The following GUCA1C variants were observed in gnomAD, a reference collection of about 807,000 sequenced individuals.
GUCA1C encodes guanylyl cyclase-activating protein 3.
In GUCA1C, 15 loss-of-function variants were observed where a neutral mutation model predicts 16.2. The observed-to-expected ratio is 0.93, with a 90% CI of 0.62 to 1.43. The LOEUF (loss-of-function observed/expected upper bound fraction) is 1.43. GUCA1C is among the 40% of genes most tolerant of loss of function. The pLI, the probability that GUCA1C is intolerant of heterozygous loss-of-function variation, is 0.00. For missense variants in GUCA1C, 275 were observed against 244.8 expected (o/e 1.12, Z -0.82); for synonymous variants, 78 against 85.4 (o/e 0.91, Z 0.48).
intron 1 of GUCA1C, among the ~76,000 whole-genome samples, chr3:108,940,192 G>A (rs1176059166): frequency 1.3e-5 from 2 of 152,182 alleles, no homozygotes; most frequent in Non-Finnish European, 2.9e-5. Context: ...GAACCCTTAA[G>A]AGATTGCAAC....
chr3:108,940,557 C>G (rs1255876437), intron 1 of GUCA1C, among the ~76,000 whole-genome samples: 5 of 152,198 alleles, frequency 3.3e-5, no homozygotes, highest in Non-Finnish European at 7.3e-5. Flanking sequence ...TGATTGGCAG[C>G]CATTGCAAGG....
intron 2 of GUCA1C, among the ~76,000 whole-genome samples, chr3:108,917,060 C>A (rs1946525530): frequency 6.6e-6 from 1 of 152,138 alleles, no homozygotes; most frequent in Non-Finnish European, 1.5e-5. Context: ...ATGATGGTAG[C>A]TTTTTATTAT....
chr3:108,907,902 C>T lies in GUCA1C; in HGVS notation c.*120G>A. The T allele has an allele frequency of 1.4e-6, 1 of 695,026 alleles. No homozygotes were observed. The highest frequency in any genetic ancestry group is 2.4e-6 in the Non-Finnish European group (1 of 413,260). 43.1% of individuals were successfully genotyped at this position (695,026 alleles called of 1,614,324 possible). A position where few individuals can be genotyped will look rare whatever the true frequency, so the allele number is the denominator to read the frequency against. On this transcript the variant is annotated 3_prime_UTR_variant, in exon 4 of 4. Coordinates refer to ENST00000261047, the MANE Select transcript of GUCA1C (RefSeq NM_005459.4). ...ACTGGATTAAAATAAGTGCTATATTCACAAGCCTATATGAATTATAACAAA... is the reference window on the plus strand; with the variant it reads ...ACTGGATTAAAATAAGTGCTATATTTACAAGCCTATATGAATTATAACAAA...
intron 1 of GUCA1C, among the ~76,000 whole-genome samples, chr3:108,922,196 CACACACATAT>C (rs1394433399): frequency 4.2e-5 from 2 of 47,916 alleles, no homozygotes; most frequent in African/African-American, 1.2e-4. Flanking sequence ...CACACACACA[CACACACATAT>C]ATATATGGAT....
intron 1 of GUCA1C, among the ~76,000 whole-genome samples, chr3:108,941,978 C>T (rs1452019463): frequency 1.3e-5 from 2 of 152,170 alleles, no homozygotes; most frequent in Non-Finnish European, 2.9e-5. Flanking sequence ...AATGCCATCT[C>T]CCTCTTCCCT....
At chr3:108,912,678 G>T (rs979185661) in intron 3 of GUCA1C, among the ~76,000 whole-genome samples, 4 of 138,738 alleles carry the variant, frequency 2.9e-5, no homozygotes, top group Admixed American at 7.5e-5. Flanking sequence ...ATTTTATGAA[G>T]TTTTTAACAT....
chr3:108,949,866 T>C (rs575529039), intron 1 of GUCA1C, among the ~76,000 whole-genome samples: 1 of 152,338 alleles, frequency 6.6e-6, no homozygotes, highest in South Asian at 2.1e-4. Context: ...TCCATCACCT[T>C]ATCACATACT....
intron 1 of GUCA1C, among the ~76,000 whole-genome samples, chr3:108,947,069 T>C (rs1003222461): frequency 6.6e-6 from 1 of 152,150 alleles, no homozygotes; most frequent in African/African-American, 2.4e-5. Flanking sequence ...TGATGTATAT[T>C]TTAATTAGCT....
rs937867704 is a variant in GUCA1C at position 108,920,452 on chromosome 3, A to C, written c.338T>G (p.Leu113Arg). 6.8e-6 allele frequency: 11 copies of C among 1,607,806 alleles called. No homozygotes were observed. Among genetic ancestry groups the C allele is most frequent in the Non-Finnish European group, 8.5e-6 (10 of 1,174,608 alleles). ...TTCACTTACCATGAACATGTCCAGT[A>C]GTTCATTTTTGTCAATAGAACCATT... ...DGNGSIDKNELLDMFMAVQAL... is the reference protein window; with the variant it reads ...DGNGSIDKNERLDMFMAVQAL... The change falls in exon 2 of 4, where the codon CTA (leucine) becomes CGA (arginine). Residue 113 changes from leucine to arginine, a missense_variant. Leu to Arg is a moderately radical substitution (Grantham distance 102, BLOSUM62 -2). Coordinates refer to ENST00000261047, the MANE Select transcript of GUCA1C (RefSeq NM_005459.4).
intron 3 of GUCA1C, 129 bp downstream of exon 3, chr3:108,915,998 C>T: frequency 2.0e-6 from 2 of 1,006,066 alleles, no homozygotes; most frequent in South Asian, 3.4e-5. Context: ...TGGATTGGTC[C>T]CATTATGAAG....
intron 1 of GUCA1C, among the ~76,000 whole-genome samples, chr3:108,938,343 T>C (rs533153848): frequency 2.0e-5 from 3 of 152,352 alleles, no homozygotes; most frequent in African/African-American, 7.2e-5. Flanking sequence ...AATGACATTT[T>C]ACCAGCTGTG....
intron 1 of GUCA1C, among the ~76,000 whole-genome samples, chr3:108,946,146 T>C (rs1049050036): frequency 6.6e-6 from 1 of 152,192 alleles, no homozygotes; most frequent in Non-Finnish European, 1.5e-5. Flanking sequence ...TAATTTGTTT[T>C]TTGAAACAGG....
Position 108,916,114 on chromosome 3 carries a change from G to C in GUCA1C, c.442+13C>G. ...TGTAGGAAAAGTGATCCAGTAGAGA[G>C]TAGCTCCATTACCATCATTGTTTAT... is the stretch of plus-strand genomic sequence containing the variant. On this transcript the variant is annotated intron_variant, in intron 3 of 3. Coordinates refer to ENST00000261047, the MANE Select transcript of GUCA1C (RefSeq NM_005459.4). The C allele has an allele frequency of 1.2e-6, 2 of 1,612,814 alleles. No homozygotes were observed. The highest frequency in any genetic ancestry group is 1.7e-6 in the Non-Finnish European group (2 of 1,179,012).
At chr3:108,913,985 G>A (rs1470482244) in intron 3 of GUCA1C, among the ~76,000 whole-genome samples, 1 of 152,066 alleles carries the variant, frequency 6.6e-6, no homozygotes, top group Non-Finnish European at 1.5e-5. Flanking sequence ...AGAATTGCTT[G>A]AACCCAGGAG....
At chr3:108,915,294 G>A (rs1946496797) in intron 3 of GUCA1C, among the ~76,000 whole-genome samples, 2 of 152,212 alleles carry the variant, frequency 1.3e-5, no homozygotes, top group Admixed American at 1.3e-4. Context: ...TGACAACTGT[G>A]ATTGGCATGC....
At chr3:108,916,072 A>G in intron 3 of GUCA1C, 55 bp downstream of exon 3, 1 of 1,606,752 alleles carries the variant, frequency 6.2e-7, no homozygotes, top group Non-Finnish European at 8.5e-7. Flanking sequence ...ACTCCCCACT[A>G]CCACCATCTC....
upstream of GUCA1C, among the ~76,000 whole-genome samples, chr3:108,954,695 AG>A (rs1305908238): frequency 1.3e-5 from 2 of 151,260 alleles, no homozygotes; most frequent in African/African-American, 4.9e-5. Flanking sequence ...AGAAAACCCC[AG>A]GTAGAATATA....
At chr3:108,936,658 T>C (rs945879366) in intron 1 of GUCA1C, among the ~76,000 whole-genome samples, 4 of 152,182 alleles carry the variant, frequency 2.6e-5, no homozygotes, top group African/African-American at 9.6e-5. Context: ...ATGGGACACG[T>C]TCAGTGCAGT....
chr3:108,942,432 A>T (rs953212803), intron 1 of GUCA1C, among the ~76,000 whole-genome samples: 1 of 152,150 alleles, frequency 6.6e-6, no homozygotes, highest in Non-Finnish European at 1.5e-5. Context: ...GTCTTGCTTT[A>T]TTCATTGGTT....
Sources: gnomAD v4.1 joint callset for allele counts (sites outside exome capture counted in the v4.1 genomes callset) on GRCh38, gnomAD v4.1.1 for gene constraint, MANE v1.5 for transcripts, NCBI Gene and HGNC (gene_info 2026-07-23, HGNC 2026-07-21) for gene names.